Variants in TMEM232 observed in about 807,000 individuals in gnomAD.
TMEM232 encodes transmembrane protein 232.
In TMEM232, 80 loss-of-function variants were observed where a neutral mutation model predicts 78.8. The observed-to-expected ratio is 1.01, with a 90% confidence interval of 0.85 to 1.22. The LOEUF is 1.22. TMEM232 is among the 50% of genes most tolerant of loss of function. The pLI, the probability that TMEM232 is intolerant of heterozygous loss-of-function variation, is 0.00. For missense variants in TMEM232, 881 were observed against 742.2 expected (o/e 1.19, Z -2.17); for synonymous variants, 297 against 254.3 (o/e 1.17, Z -1.60).
intron 11 of TMEM232, among the ~76,000 whole-genome samples, chr5:110,551,397 T>C (rs988856563): frequency 1.4e-4 from 21 of 150,744 alleles, no homozygotes; most frequent in African/African-American, 3.2e-4. Flanking sequence ...TAATTTTTTC[T>C]TTTTTTTAGT....
intron 12 of TMEM232, among the ~76,000 whole-genome samples, chr5:110,478,823 C>T (rs1225441577): frequency 6.6e-6 from 1 of 150,602 alleles, no homozygotes; most frequent in African/African-American, 2.4e-5. Flanking sequence ...TAATGAAATG[C>T]TAAGCAGTGT....
intron 11 of TMEM232, 145 bp from the exon 12 acceptor site, chr5:110,528,980 A>G: frequency 1.1e-6 from 1 of 913,568 alleles, no homozygotes; most frequent in South Asian, 5.5e-5. Flanking sequence ...ATCTTTATAA[A>G]AAAATTGCAG....
intron 12 of TMEM232, among the ~76,000 whole-genome samples, chr5:110,437,450 AT>A (rs1758564730): frequency 1.3e-5 from 2 of 152,066 alleles, no homozygotes; most frequent in Non-Finnish European, 2.9e-5. Flanking sequence ...TGAATTAAAC[AT>A]TTCAAGATAG....
At chr5:110,480,778 T>G (rs935369037) in intron 12 of TMEM232, among the ~76,000 whole-genome samples, 3 of 152,040 alleles carry the variant, frequency 2.0e-5, no homozygotes, top group Non-Finnish European at 4.4e-5. Context: ...TTCAAAAAAG[T>G]ATCAGTCAAA....
At chr5:110,594,689 C>T (rs1449728170) in intron 10 of TMEM232, among the ~76,000 whole-genome samples, 1 of 152,156 alleles carries the variant, frequency 6.6e-6, no homozygotes, top group Non-Finnish European at 1.5e-5. Flanking sequence ...GGAAGCCAAA[C>T]TCACTGCAGC....
At chr5:110,435,721 G>A (rs900377074) in intron 12 of TMEM232, among the ~76,000 whole-genome samples, 9 of 151,790 alleles carry the variant, frequency 5.9e-5, no homozygotes, top group African/African-American at 2.2e-4. Flanking sequence ...TTGTCTTTCT[G>A]TGCCTGGCTT....
At chr5:110,399,510 A>G (rs1755513922) in intron 2 of TMEM232, among the ~76,000 whole-genome samples, 2 of 152,038 alleles carry the variant, frequency 1.3e-5, no homozygotes, top group South Asian at 4.2e-4. Flanking sequence ...CTTTTTTTAA[A>G]AGGCCTTCCT....
upstream of TMEM232, chr5:110,738,799 A>C: frequency 2.1e-6 from 1 of 467,376 alleles, no homozygotes. Flanking sequence ...CCCTATTCCT[A>C]CACCAGTTCT....
intron 8 of TMEM232, chr5:110,610,497 C>T (rs1216912921): frequency 6.6e-6 from 3 of 455,160 alleles, no homozygotes; most frequent in South Asian, 1.6e-5. Context: ...GTAGTCAATA[C>T]AAGACCTTGA....
At chr5:110,669,996 C>T (rs1032944501) in intron 1 of TMEM232, among the ~76,000 whole-genome samples, 35 of 152,214 alleles carry the variant, frequency 2.3e-4, no homozygotes, top group African/African-American at 7.7e-4. Context: ...ATAATAAGAG[C>T]TATCTATGAC....
At chr5:110,604,172 A>G (rs914629081) in intron 10 of TMEM232, among the ~76,000 whole-genome samples, 2 of 152,324 alleles carry the variant, frequency 1.3e-5, no homozygotes, top group Non-Finnish European at 2.9e-5. Flanking sequence ...TGAGAATCAC[A>G]TACACAATAG....
At chr5:110,586,639 A>G (rs1778851879) in intron 10 of TMEM232, among the ~76,000 whole-genome samples, 1 of 151,860 alleles carries the variant, frequency 6.6e-6, no homozygotes, top group African/African-American at 2.4e-5. Context: ...TACATCAAAA[A>G]CATTCTTAAT....
chr5:110,607,109 T>C (rs1214331781), intron 8 of TMEM232, among the ~76,000 whole-genome samples: 2 of 152,024 alleles, frequency 1.3e-5, no homozygotes, highest in Admixed American at 1.3e-4. Context: ...ATCAGACCAT[T>C]CTTATTATGA....
At chr5:110,659,216 T>A (rs1789476254) in intron 2 of TMEM232, among the ~76,000 whole-genome samples, 1 of 152,030 alleles carries the variant, frequency 6.6e-6, no homozygotes, top group South Asian at 2.1e-4. Context: ...GTAGTTTCCT[T>A]TAGGATTATC....
chr5:110,402,503 G>A (rs1462607144), intron 2 of TMEM232, among the ~76,000 whole-genome samples: 1 of 151,990 alleles, frequency 6.6e-6, no homozygotes, highest in Non-Finnish European at 1.5e-5. Flanking sequence ...TTCTTTGATT[G>A]CAAACAATAC....
chr5:110,452,706 A>T (rs1760450559), intron 12 of TMEM232, among the ~76,000 whole-genome samples: 1 of 152,252 alleles, frequency 6.6e-6, no homozygotes, highest in Non-Finnish European at 1.5e-5. Flanking sequence ...GGATATTTCA[A>T]CAAAATAATT....
At chr5:110,523,658 C>T (rs1416595313) in intron 12 of TMEM232, among the ~76,000 whole-genome samples, 3 of 152,006 alleles carry the variant, frequency 2.0e-5, no homozygotes, top group African/African-American at 4.8e-5. Context: ...GTGTTGTTTA[C>T]TTTCTACATA....
intron 12 of TMEM232, 61 bp from the exon 13 acceptor site, chr5:110,424,977 T>C: frequency 5.9e-6 from 7 of 1,178,374 alleles, no homozygotes; most frequent in Non-Finnish European, 8.4e-6. Flanking sequence ...TCCCCAGAAA[T>C]AGAATTGTAA....
chr5:110,582,702 C>T lies in TMEM232; in HGVS notation c.1277-14077G>A, dbSNP rs534089340. Among the ~76,000 whole-genome samples, 50 of 151,936 alleles carry T rather than the reference C, an allele frequency of 3.3e-4. 1 individual carries two copies. The highest frequency in any genetic ancestry group is 3.4e-3 in the Middle Eastern group (1 of 294). ...ACAAATAAAAGGCATCCAAATAAGA[C>T]AGGAAGAAGTGAAAGTATCTCTGTT... On this transcript the variant is annotated intron_variant, in intron 10 of 13. Transcript: ENST00000455884.
Sources: gnomAD v4.1 joint callset for allele counts (sites outside exome capture counted in the v4.1 genomes callset) on GRCh38, gnomAD v4.1.1 for gene constraint, MANE v1.5 for transcripts, NCBI Gene and HGNC (gene_info 2026-07-23, HGNC 2026-07-21) for gene names.